FARP1: variants seen among roughly 807,000 people sequenced by gnomAD.
The protein encoded by FARP1 is FERM, ARH/RhoGEF and pleckstrin domain protein 1.
Under a neutral mutation model 128.8 loss-of-function variants are expected in FARP1, and 52 were observed. The ratio of observed to expected loss-of-function variants is 0.40; its 90% CI spans 0.32 to 0.51. The LOEUF is 0.51. Among genes scored for constraint, FARP1 ranks in the 20% least tolerant of loss-of-function variants. The probability of loss-of-function intolerance (pLI) is 0.45; values close to 1 mark genes in which losing one functional copy is unlikely to be tolerated. For missense variants in FARP1, 1,333 were observed against 1,367.9 expected (o/e 0.97, Z 0.40); for synonymous variants, 580 against 551.8 (o/e 1.05, Z -0.72).
intron 2 of FARP1, among the ~76,000 whole-genome samples, chr13:98,257,645 C>T (rs1594329028): frequency 6.6e-6 from 1 of 152,142 alleles, no homozygotes; most frequent in East Asian, 1.9e-4. Flanking sequence ...TGGCATGTGC[C>T]TGTAATCCTA....
intron 2 of FARP1, among the ~76,000 whole-genome samples, chr13:98,295,046 T>TACACACACACACACACAC (rs746373395): frequency 1.8e-5 from 2 of 108,368 alleles, no homozygotes; most frequent in Non-Finnish European, 3.6e-5. Context: ...ATATATATAT[T>TACACACACACACACACAC]ACACACACAC....
chr13:98,175,208 T>G (rs1402593855), intron 1 of FARP1, among the ~76,000 whole-genome samples: 2 of 152,224 alleles, frequency 1.3e-5, no homozygotes, highest in Non-Finnish European at 1.5e-5. Flanking sequence ...TAGGCTCTTA[T>G]GAAAATTTAC....
Position 98,351,920 on chromosome 13 carries a change from G to A in FARP1, c.276+8054G>A, listed in dbSNP as rs531006956. Among the ~76,000 whole-genome samples the A allele has an allele frequency of 7.2e-5, 11 of 152,210 alleles. No homozygotes were observed. In the East Asian group the frequency reaches 2.1e-3, roughly 29 times the overall value. On this transcript the variant is annotated intron_variant, in intron 3 of 26. Coordinates refer to ENST00000319562, the MANE Select transcript of FARP1 (RefSeq NM_005766.4). ...CGCCAGGACCCACCCCCAACACTGG[G>A]AATCACATTTCAACAAGATTTGGAA...
intron 2 of FARP1, among the ~76,000 whole-genome samples, chr13:98,339,676 T>C (rs1293291372): frequency 6.6e-6 from 1 of 152,196 alleles, no homozygotes; most frequent in Admixed American, 6.5e-5. Context: ...AAGCTATAAA[T>C]ATACTATTGA....
intron 3 of FARP1, among the ~76,000 whole-genome samples, chr13:98,361,194 C>T (rs538070040): frequency 3.3e-5 from 5 of 152,312 alleles, no homozygotes; most frequent in South Asian, 4.1e-4. Context: ...TCTGCAATCT[C>T]GCTGGGAAAC....
chr13:98,416,362 A>G (rs1891376143), intron 16 of FARP1, among the ~76,000 whole-genome samples: 1 of 152,240 alleles, frequency 6.6e-6, no homozygotes, highest in Non-Finnish European at 1.5e-5. Context: ...AGACTGCAAT[A>G]TACTTCCATC....
At chr13:98,287,717 T>A (rs1335634539) in intron 2 of FARP1, among the ~76,000 whole-genome samples, 1 of 151,904 alleles carries the variant, frequency 6.6e-6, no homozygotes, top group Non-Finnish European at 1.5e-5. Flanking sequence ...TCATGCATAA[T>A]CTTTAAAAAA....
At chr13:98,307,546 G>A (rs540144855) in intron 2 of FARP1, among the ~76,000 whole-genome samples, 5 of 152,088 alleles carry the variant, frequency 3.3e-5, no homozygotes, top group Non-Finnish European at 5.9e-5. Flanking sequence ...TACAGGCCTC[G>A]AGTCTTTGAG....
chr13:98,308,250 T>A (rs1037408124), intron 2 of FARP1, among the ~76,000 whole-genome samples: 1 of 152,170 alleles, frequency 6.6e-6, no homozygotes, highest in Admixed American at 6.5e-5. Flanking sequence ...CTGTCCTATC[T>A]GTGTTAATCA....
intron 2 of FARP1, among the ~76,000 whole-genome samples, chr13:98,265,527 G>T (rs1201355403): frequency 6.6e-6 from 1 of 151,004 alleles, no homozygotes; most frequent in African/African-American, 2.4e-5. Context: ...CACCGTTTTA[G>T]CCGGGATGGT....
intron 11 of FARP1, 55 bp from the exon 12 acceptor site, chr13:98,393,588 G>T (rs1890394157): frequency 1.4e-6 from 2 of 1,429,486 alleles, no homozygotes; most frequent in Non-Finnish European, 2.0e-6. Flanking sequence ...TAAAACCAAG[G>T]AAAAAGAAAC....
intron 2 of FARP1, among the ~76,000 whole-genome samples, chr13:98,284,800 G>A (rs2139639487): frequency 6.6e-6 from 1 of 152,234 alleles, no homozygotes; most frequent in South Asian, 2.1e-4. Context: ...GTGAAGTGTT[G>A]GATTAAAACC....
chr13:98,217,457 G>A (rs1237452412), intron 2 of FARP1, among the ~76,000 whole-genome samples: 3 of 152,196 alleles, frequency 2.0e-5, no homozygotes, highest in East Asian at 1.9e-4. Flanking sequence ...GTCTACGACC[G>A]TCGTCGCAGG....
At chr13:98,321,646 T>C (rs1178887363) in intron 2 of FARP1, among the ~76,000 whole-genome samples, 17 of 152,230 alleles carry the variant, frequency 1.1e-4, no homozygotes, top group Admixed American at 1.1e-3. Context: ...ACAAATTACC[T>C]GTGCGTGCTA....
At chr13:98,441,804 G>A (rs1821583057) in intron 24 of FARP1, among the ~76,000 whole-genome samples, 1 of 152,108 alleles carries the variant, frequency 6.6e-6, no homozygotes, top group South Asian at 2.1e-4. Context: ...GGCGAGGCAG[G>A]AGGTGGGCAG....
At chr13:98,410,171 C>T (rs1891136733) in intron 14 of FARP1, among the ~76,000 whole-genome samples, 1 of 152,222 alleles carries the variant, frequency 6.6e-6, no homozygotes, top group African/African-American at 2.4e-5. Context: ...CCTCCTTGCA[C>T]TTATTGTTTA....
intron 2 of FARP1, among the ~76,000 whole-genome samples, chr13:98,289,960 A>C (rs1273938610): frequency 6.6e-6 from 1 of 152,166 alleles, no homozygotes; most frequent in African/African-American, 2.4e-5. Flanking sequence ...TGCAAAGGTC[A>C]GTGTTTCATA....
chr13:98,249,530 A>G (rs1883226557), intron 2 of FARP1, among the ~76,000 whole-genome samples: 1 of 152,102 alleles, frequency 6.6e-6, no homozygotes, highest in Admixed American at 6.6e-5. Context: ...TTACTGTTTT[A>G]CTTTTTCCTT....
intron 24 of FARP1, among the ~76,000 whole-genome samples, chr13:98,442,705 G>A (rs1441218894): frequency 3.3e-5 from 5 of 152,222 alleles, no homozygotes; most frequent in African/African-American, 1.2e-4. Flanking sequence ...GGAGACCCCC[G>A]AAGCGGAGGA....
Sources: allele counts gnomAD v4.1 joint callset (sites outside exome capture counted in the v4.1 genomes callset), GRCh38; gene constraint gnomAD v4.1.1; transcripts MANE v1.5; gene names NCBI Gene and HGNC (gene_info 2026-07-23, HGNC 2026-07-21).